CTNNA2: variants seen among roughly 807,000 people sequenced by gnomAD.
CTNNA2 encodes catenin alpha 2.
A neutral mutation model predicts 101.0 loss-of-function variants in CTNNA2; 42 were observed. That is an observed-to-expected ratio of 0.42 (90% CI 0.32 to 0.54). The LOEUF (loss-of-function observed/expected upper bound fraction) is 0.54, where lower values mean the gene tolerates loss of function less well. CTNNA2 is among the 20% of genes least tolerant of loss of function. The pLI is 0.14. For missense variants in CTNNA2, 871 were observed against 1,223.1 expected, an observed-to-expected ratio of 0.71 and a Z score of 4.29; for synonymous variants, 450 against 456.4, an observed-to-expected ratio of 0.99 and a Z score of 0.18.
chr2:79,663,624 T>C (rs2104540141), intron 2 of CTNNA2, among the ~76,000 whole-genome samples: 1 of 152,254 alleles, frequency 6.6e-6, no homozygotes, highest in African/African-American at 2.4e-5. Flanking sequence ...CAGAGACCTT[T>C]TCTGACCACT....
intron 6 of CTNNA2, among the ~76,000 whole-genome samples, chr2:79,895,098 G>T (rs1166009903): frequency 2.0e-5 from 3 of 152,160 alleles, no homozygotes; most frequent in Non-Finnish European, 2.9e-5. Flanking sequence ...GTGTTACACA[G>T]AAAATCTATT....
Position 79,778,084 on chromosome 2 carries a change from G to GT in CTNNA2, c.298+33503dup, listed in dbSNP as rs1674126055. Among the ~76,000 whole-genome samples the GT allele has an allele frequency of 2.0e-5, 3 of 152,222 alleles. No homozygotes were observed. In the South Asian group the frequency reaches 6.2e-4, roughly 32 times the overall value. On this transcript the variant is annotated intron_variant, in intron 3 of 18. Coordinates refer to ENST00000402739, the MANE Select transcript of CTNNA2 (RefSeq NM_001282597.3). ...CAGCTGGGTGCGGTGGCTCATGCCT[G>GT]TAATTCCAACACTTCGGGAGGCTGA...
At chr2:79,567,201 A>C (rs114147571) in intron 1 of CTNNA2, among the ~76,000 whole-genome samples, 119 of 152,316 alleles carry the variant, frequency 7.8e-4, no homozygotes, top group Non-Finnish European at 1.6e-3. Flanking sequence ...GGGCAATTTA[A>C]TGAAGTCCTG....
intron 6 of CTNNA2, among the ~76,000 whole-genome samples, chr2:79,897,979 T>C (rs1684828390): frequency 6.6e-6 from 1 of 152,136 alleles, no homozygotes; most frequent in Non-Finnish European, 1.5e-5. Context: ...GAGCCTTATG[T>C]CCCAATCAGC....
At chr2:79,641,871 G>A (rs898383961) in intron 1 of CTNNA2, among the ~76,000 whole-genome samples, 1 of 152,096 alleles carries the variant, frequency 6.6e-6, no homozygotes, top group Admixed American at 6.5e-5. Flanking sequence ...TATAAAATTG[G>A]CACGGAGTAT....
intron 2 of CTNNA2, among the ~76,000 whole-genome samples, chr2:79,243,650 C>T (rs1674662873): frequency 6.6e-6 from 1 of 152,104 alleles, no homozygotes; most frequent in East Asian, 1.9e-4. Context: ...AACCATAATG[C>T]ATTGTTTGAA....
chr2:79,363,838 C>T (rs1243498331), intron 3 of CTNNA2, among the ~76,000 whole-genome samples: 1 of 152,142 alleles, frequency 6.6e-6, no homozygotes, highest in East Asian at 1.9e-4. Context: ...AGAAGCAGTC[C>T]AGGACAGGCA....
intron 7 of CTNNA2, among the ~76,000 whole-genome samples, chr2:79,990,438 A>G (rs1692090090): frequency 6.6e-6 from 1 of 152,172 alleles, no homozygotes. Flanking sequence ...AGGGAGTCGC[A>G]CTGATACACG....
At chr2:79,778,122 G>A (rs544090900) in intron 3 of CTNNA2, among the ~76,000 whole-genome samples, 3 of 151,978 alleles carry the variant, frequency 2.0e-5, no homozygotes, top group East Asian at 3.9e-4. Context: ...CAGGTGGATC[G>A]CCTGAGCTCA....
chr2:79,565,837 C>A (rs1182470468), intron 1 of CTNNA2, among the ~76,000 whole-genome samples: 1 of 151,984 alleles, frequency 6.6e-6, no homozygotes, highest in Admixed American at 6.6e-5. Context: ...GTGGAGAGAT[C>A]TCTGCGTGTT....
At chr2:80,571,662 C>A (rs553090790) in intron 12 of CTNNA2, among the ~76,000 whole-genome samples, 191 of 152,120 alleles carry the variant, frequency 1.3e-3, no homozygotes, top group Admixed American at 4.0e-3. Flanking sequence ...TTGTTTTTCC[C>A]ACTCGAACTT....
chr2:80,349,268 G>A (rs1181156562), intron 7 of CTNNA2, among the ~76,000 whole-genome samples: 1 of 152,080 alleles, frequency 6.6e-6, no homozygotes, highest in African/African-American at 2.4e-5. Context: ...TATCTGAGAA[G>A]GACCTTGGCT....
chr2:79,361,176 G>A (rs1451277561), intron 3 of CTNNA2, among the ~76,000 whole-genome samples: 1 of 152,038 alleles, frequency 6.6e-6, no homozygotes, highest in African/African-American at 2.4e-5. Flanking sequence ...ATGACTACCT[G>A]GACCCTTTAA....
intron 7 of CTNNA2, among the ~76,000 whole-genome samples, chr2:80,057,984 A>T (rs1397912403): frequency 6.6e-6 from 1 of 152,222 alleles, no homozygotes; most frequent in African/African-American, 2.4e-5. Context: ...CTAGGAAAAA[A>T]ATTAAAACTC....
chr2:80,592,280 C>CTT (rs1696579008), intron 15 of CTNNA2, among the ~76,000 whole-genome samples: 2 of 152,128 alleles, frequency 1.3e-5, no homozygotes, highest in South Asian at 4.1e-4. Flanking sequence ...TTAGGGAGCG[C>CTT]TTTACTGGTC....
At chr2:79,977,935 G>A (rs57533863) in intron 7 of CTNNA2, among the ~76,000 whole-genome samples, 2,573 of 152,170 alleles carry the variant, frequency 0.017, 81 homozygotes, top group African/African-American at 0.059. Context: ...CTTGGGTGGT[G>A]AGTACAGTGG....
In CTNNA2 at chr2:80,608,197, C is replaced by A; in HGVS notation, c.2309C>A (p.Ala770Glu). The A allele has an allele frequency of 1.2e-6, 2 of 1,609,610 alleles. No homozygotes were observed. The highest frequency in any genetic ancestry group is 1.7e-6 in the Non-Finnish European group (2 of 1,176,946). The stretch of plus-strand genomic sequence containing the variant: ...AATGTTTTATAGTGTCCTGATTCAG[C>A]ATGTAAGCAGGATTTATTAGCCTAC... Reference protein sequence around the residue: ...RAVADQCPDSACKQDLLAYLQ... With the variant: ...RAVADQCPDSECKQDLLAYLQ... The change falls in exon 17 of 19, where the codon GCA becomes GAA. Residue 770 changes from alanine to glutamate, a missense_variant. Ala to Glu is a moderately radical substitution (Grantham distance 107). Coordinates refer to ENST00000402739, the MANE Select transcript of CTNNA2 (RefSeq NM_001282597.3).
chr2:80,176,435 G>A (rs1431898601), intron 7 of CTNNA2, among the ~76,000 whole-genome samples: 1 of 152,106 alleles, frequency 6.6e-6, no homozygotes, highest in African/African-American at 2.4e-5. Flanking sequence ...GAGGAAATAC[G>A]ACAATTACCA....
chr2:79,742,337 A>C (rs1471320148), intron 2 of CTNNA2, among the ~76,000 whole-genome samples: 2 of 151,010 alleles, frequency 1.3e-5, no homozygotes, highest in Admixed American at 1.3e-4. Flanking sequence ...ATTTTTTTTT[A>C]ATTTGTGAAG....
Sources: gnomAD v4.1 joint callset for allele counts (sites outside exome capture counted in the v4.1 genomes callset) on GRCh38, gnomAD v4.1.1 for gene constraint, MANE v1.5 for transcripts, NCBI Gene and HGNC (gene_info 2026-07-23, HGNC 2026-07-21) for gene names.